The following DYM variants were observed in gnomAD, a reference collection of about 807,000 sequenced individuals.
DYM encodes the protein dyggve-Melchior-Clausen syndrome protein.
DYM carries 78 observed loss-of-function variants against 93.1 expected under a neutral mutation model. The ratio of observed to expected loss-of-function variants is 0.84; its 90% CI spans 0.70 to 1.01. The LOEUF (loss-of-function observed/expected upper bound fraction) is 1.01, where lower values mean the gene tolerates loss of function less well. Ranked by LOEUF, DYM falls within the 50% of genes least tolerant of loss-of-function variation. The probability of loss-of-function intolerance (pLI) is 0.00; values close to 1 mark genes in which losing one functional copy is unlikely to be tolerated. For missense variants in DYM, 789 were observed against 845.0 expected (o/e 0.93, Z 0.82); for synonymous variants, 321 against 319.7 (o/e 1.00, Z -0.04).
At chr18:49,057,693 C>T (rs552945106) in intron 17 of DYM, among the ~76,000 whole-genome samples, 6 of 152,202 alleles carry the variant, frequency 3.9e-5, no homozygotes, top group Admixed American at 6.5e-5. Flanking sequence ...TGGCAACTGT[C>T]GCACTGATCA....
At chr18:49,236,327 A>T (rs1486262330) in intron 13 of DYM, among the ~76,000 whole-genome samples, 2 of 152,068 alleles carry the variant, frequency 1.3e-5, no homozygotes, top group Admixed American at 1.3e-4. Context: ...AAAAATACAA[A>T]AAATTAGCAG....
chr18:49,051,155 C>T (rs925095905), intron 17 of DYM, among the ~76,000 whole-genome samples: 1 of 152,172 alleles, frequency 6.6e-6, no homozygotes. Flanking sequence ...CTGTGGCCAA[C>T]GTGGACACTA....
intron 8 of DYM, among the ~76,000 whole-genome samples, chr18:49,287,297 T>C (rs1412134602): frequency 6.6e-6 from 1 of 150,886 alleles, no homozygotes; most frequent in African/African-American, 2.4e-5. Flanking sequence ...ATAAAAAATA[T>C]GGTCATCTCG....
At chr18:49,373,396 C>T (rs1160809862) in intron 5 of DYM, among the ~76,000 whole-genome samples, 1 of 152,072 alleles carries the variant, frequency 6.6e-6, no homozygotes, top group African/African-American at 2.4e-5. Context: ...TTTATGCCTC[C>T]CCTTTTTAGA....
At chr18:49,227,768 C>G (rs1295722155) in intron 13 of DYM, among the ~76,000 whole-genome samples, 3 of 152,110 alleles carry the variant, frequency 2.0e-5, no homozygotes, top group Non-Finnish European at 4.4e-5. Context: ...AAGTATCAGC[C>G]TGACTGCCAT....
intron 2 of DYM, chr18:49,393,539 G>A (rs2069660406): frequency 6.6e-6 from 1 of 152,304 alleles, no homozygotes; most frequent in African/African-American, 2.4e-5. Context: ...GGGAGGCCAA[G>A]GCGGGCAGAT....
chr18:49,067,957 C>T (rs912893499), intron 17 of DYM, among the ~76,000 whole-genome samples: 3 of 151,884 alleles, frequency 2.0e-5, no homozygotes, highest in Admixed American at 6.6e-5. Flanking sequence ...TTTGCAAAGG[C>T]GTTTCATTAG....
chr18:49,419,007 A>G (rs2073331023), intron 2 of DYM, among the ~76,000 whole-genome samples: 1 of 152,166 alleles, frequency 6.6e-6, no homozygotes, highest in Admixed American at 6.5e-5. Flanking sequence ...TTTACTTTAC[A>G]GTTTTTTCAC....
chr18:49,139,543 T>C (rs1198005193), intron 15 of DYM, among the ~76,000 whole-genome samples: 2 of 152,136 alleles, frequency 1.3e-5, no homozygotes, highest in Non-Finnish European at 2.9e-5. Context: ...TCCTCTAAAA[T>C]AAATGACTGA....
intron 17 of DYM, among the ~76,000 whole-genome samples, chr18:49,046,068 G>C (rs751601687): frequency 2.6e-5 from 4 of 151,076 alleles, no homozygotes; most frequent in Non-Finnish European, 5.9e-5. Context: ...GGAGCAGGTA[G>C]AGGAGCTGCA....
chr18:49,153,797 T>C (rs906627242), intron 15 of DYM, among the ~76,000 whole-genome samples: 5 of 152,208 alleles, frequency 3.3e-5, no homozygotes, highest in Non-Finnish European at 5.9e-5. Context: ...ATCAGTGATA[T>C]ATGCTGCAGG....
chr18:49,125,578 T>C (rs1012595945), intron 15 of DYM, among the ~76,000 whole-genome samples: 2 of 152,262 alleles, frequency 1.3e-5, no homozygotes, highest in African/African-American at 2.4e-5. Flanking sequence ...TCTACGTGCA[T>C]TACTTTATTC....
intron 14 of DYM, among the ~76,000 whole-genome samples, chr18:49,178,182 T>C (rs180676490): frequency 6.6e-6 from 1 of 152,230 alleles, no homozygotes; most frequent in East Asian, 1.9e-4. Flanking sequence ...AAAGCTCAGT[T>C]ACTGGCTTCC....
chr18:49,171,039 G>T (rs1275556192), intron 14 of DYM, among the ~76,000 whole-genome samples: 1 of 151,998 alleles, frequency 6.6e-6, no homozygotes, highest in Non-Finnish European at 1.5e-5. Context: ...AACAAAAAAC[G>T]AAGTCACTGG....
At chr18:49,414,360 A>G (rs999896806) in intron 2 of DYM, among the ~76,000 whole-genome samples, 4 of 152,200 alleles carry the variant, frequency 2.6e-5, no homozygotes, top group African/African-American at 9.7e-5. Context: ...AAATGGTTGA[A>G]AAGGTAAATT....
At chr18:49,458,919 T>C (rs1371121462) in intron 1 of DYM, among the ~76,000 whole-genome samples, 2 of 152,224 alleles carry the variant, frequency 1.3e-5, no homozygotes, top group Non-Finnish European at 2.9e-5. Context: ...TGAATGTCTA[T>C]GATTTGCTTT....
Position 49,411,182 on chromosome 18 carries a change from T to C in DYM, c.140+19073A>G, listed in dbSNP as rs2072200039. On this transcript the variant is annotated intron_variant, in intron 2 of 17. Transcript: ENST00000675505. ...ATTAATACTCTTTCAATATGAATAATATTAAATGAGATACTCTTAAGGCAA... is the reference window on the plus strand; with the variant it reads ...ATTAATACTCTTTCAATATGAATAACATTAAATGAGATACTCTTAAGGCAA... 3.3e-5 allele frequency among the ~76,000 whole-genome samples: 5 copies of C among 152,208 alleles called. No individual in the cohort carries two copies. The South Asian group carries it at 1.0e-3, about 31-fold the overall frequency.
At chr18:49,102,882 G>T (rs1447086354) in intron 16 of DYM, among the ~76,000 whole-genome samples, 1 of 152,156 alleles carries the variant, frequency 6.6e-6, no homozygotes, top group Non-Finnish European at 1.5e-5. Flanking sequence ...ACACACGTGT[G>T]CATGTGTCTT....
intron 1 of DYM, among the ~76,000 whole-genome samples, chr18:49,443,462 G>A (rs1324145059): frequency 3.3e-5 from 5 of 152,092 alleles, no homozygotes; most frequent in African/African-American, 4.8e-5. Flanking sequence ...TGACTATCAC[G>A]TCAAAAAAAC....
Sources: gnomAD v4.1 joint callset for allele counts (sites outside exome capture counted in the v4.1 genomes callset) on GRCh38, gnomAD v4.1.1 for gene constraint, MANE v1.5 for transcripts, NCBI Gene and HGNC (gene_info 2026-07-23, HGNC 2026-07-21) for gene names.